Variants in PCDHA5 observed in about 807,000 individuals in gnomAD.
PCDHA5 encodes protocadherin alpha 5, also known as protocadherin alpha-5.
Under a neutral mutation model 61.6 loss-of-function variants are expected in PCDHA5, and 43 were observed. That is an observed-to-expected ratio of 0.70 (90% confidence interval 0.55 to 0.90). PCDHA5 has a LOEUF of 0.90. Among genes scored for constraint, PCDHA5 ranks in the 40% least tolerant of loss-of-function variants. The pLI is 0.00. For missense variants in PCDHA5, 1,298 were observed against 1,222.7 expected (o/e 1.06, Z -0.92); for synonymous variants, 627 against 543.9 (o/e 1.15, Z -2.13).
At chr5:140,961,083 T>C (rs1470868954) in intron 1 of PCDHA5, among the ~76,000 whole-genome samples, 1 of 152,198 alleles carries the variant, frequency 6.6e-6, no homozygotes, top group Non-Finnish European at 1.5e-5. Context: ...ATCAAGTAAT[T>C]GTTGACTTTT....
intron 3 of PCDHA5, among the ~76,000 whole-genome samples, chr5:140,989,714 A>T (rs2097355942): frequency 6.6e-6 from 1 of 152,202 alleles, no homozygotes; most frequent in Non-Finnish European, 1.5e-5. Context: ...AGAGGCAGTC[A>T]GCTTTGCAGT....
intron 1 of PCDHA5, chr5:140,927,725 C>T (rs782731204): frequency 1.2e-6 from 2 of 1,614,202 alleles, no homozygotes; most frequent in South Asian, 2.2e-5. Flanking sequence ...AGCACGCAAG[C>T]AGAGCTGCGA....
At chr5:140,884,400 T>C (rs2060147472) in intron 1 of PCDHA5, 1 of 1,613,972 alleles carries the variant, frequency 6.2e-7, no homozygotes, top group Non-Finnish European at 8.5e-7. Context: ...TCCAGCCTGT[T>C]GGTGCTCACG....
chr5:140,976,054 G>A (rs1554237225), intron 1 of PCDHA5, among the ~76,000 whole-genome samples: 1 of 152,134 alleles, frequency 6.6e-6, no homozygotes, highest in African/African-American at 2.4e-5. Context: ...AATTGTGATA[G>A]TAATATATGT....
At chr5:140,990,272 C>T (rs568200508) in intron 3 of PCDHA5, among the ~76,000 whole-genome samples, 12 of 152,196 alleles carry the variant, frequency 7.9e-5, no homozygotes, top group African/African-American at 1.4e-4. Flanking sequence ...CAATGTACCC[C>T]GGGTCTTGAG....
At chr5:140,940,599 C>T (rs1356432549) in intron 1 of PCDHA5, among the ~76,000 whole-genome samples, 2 of 151,918 alleles carry the variant, frequency 1.3e-5, no homozygotes, top group African/African-American at 4.8e-5. Context: ...AGGCATGAGC[C>T]GCTGCTCCTG....
At chr5:140,854,853 C>G (rs1441066752) in intron 1 of PCDHA5, among the ~76,000 whole-genome samples, 1 of 149,620 alleles carries the variant, frequency 6.7e-6, no homozygotes, top group Non-Finnish European at 1.5e-5. Flanking sequence ...GATAAAATTA[C>G]TAGATATATT....
intron 1 of PCDHA5, chr5:140,856,279 T>A (rs1554148476): frequency 1.3e-6 from 2 of 1,598,260 alleles, no homozygotes; most frequent in East Asian, 2.2e-5. Flanking sequence ...TGGAGGTAAA[T>A]CTGCAGAATG....
At chr5:140,997,302 G>A (rs1430183310) in intron 3 of PCDHA5, among the ~76,000 whole-genome samples, 2 of 152,154 alleles carry the variant, frequency 1.3e-5, no homozygotes, top group Non-Finnish European at 2.9e-5. Flanking sequence ...GATACACTGA[G>A]AAATGTGTCT....
chr5:140,926,919 A>C (rs782148872), intron 1 of PCDHA5: 2 of 1,566,668 alleles, frequency 1.3e-6, no homozygotes, highest in South Asian at 2.4e-5. Flanking sequence ...TGGCAGTTTT[A>C]TGTTTGTGGG....
intron 1 of PCDHA5, among the ~76,000 whole-genome samples, chr5:140,934,036 G>T (rs181745303): frequency 2.9e-4 from 44 of 151,956 alleles, no homozygotes; most frequent in African/African-American, 1.0e-3. Context: ...GTTTATTAAT[G>T]ATATTAGTCT....
chr5:140,857,831 G>A (rs1554150713), intron 1 of PCDHA5: 1 of 1,597,806 alleles, frequency 6.3e-7, no homozygotes, highest in Non-Finnish European at 8.6e-7. Flanking sequence ...TAAGGTGCGC[G>A]CAGTGGACGC....
chr5:140,989,253 G>A (rs886150768), intron 3 of PCDHA5, among the ~76,000 whole-genome samples: 4 of 152,194 alleles, frequency 2.6e-5, no homozygotes, highest in Non-Finnish European at 1.5e-5. Flanking sequence ...CTTGTCAAAA[G>A]GGAGATTCAA....
intron 1 of PCDHA5, among the ~76,000 whole-genome samples, chr5:140,940,440 G>T (rs1348385112): frequency 1.3e-5 from 2 of 151,928 alleles, no homozygotes; most frequent in Non-Finnish European, 2.9e-5. Flanking sequence ...AGTCTGCCAT[G>T]ATATTTTTTA....
At chr5:140,917,336 G>T (rs1183036523) in intron 1 of PCDHA5, among the ~76,000 whole-genome samples, 1 of 144,856 alleles carries the variant, frequency 6.9e-6, no homozygotes, top group Non-Finnish European at 1.5e-5. Context: ...GGGGAGGGGG[G>T]GGATGGTGTA....
Position 140,860,053 on chromosome 5 carries a change from C to T in PCDHA5, c.2352+35926C>T, listed in dbSNP as rs186329592. The T allele has an allele frequency of 6.0e-5, 9 of 150,766 alleles. No individual in the cohort carries two copies. In the East Asian group the frequency reaches 1.6e-3, roughly 26 times the overall value. 9.3% of individuals were successfully genotyped at this position (150,766 alleles called of 1,614,324 possible). A position where few individuals can be genotyped will look rare whatever the true frequency, so the allele number is the denominator to read the frequency against. ...CCTGTAATCCCAGCATTTTGAGAGGCCAAGGTGGGAGGATGGTTTGAGGCC... is the reference window on the plus strand; with the variant it reads ...CCTGTAATCCCAGCATTTTGAGAGGTCAAGGTGGGAGGATGGTTTGAGGCC... On this transcript the variant is annotated intron_variant, in intron 1 of 3. Transcript: ENST00000529859.
rs375771604 is a variant in PCDHA5, at chr5:140,876,994, G to A, written c.2352+52867G>A. ...GGGCGAGCACGCACTGTCGAGCTAC[G>A]TGTCGGTGCACGCGGAGAGCGGCAA... On this transcript the variant is annotated intron_variant, in intron 1 of 3. Transcript: ENST00000529859. The A allele has an allele frequency of 5.6e-6, 9 of 1,612,502 alleles. No individual in the cohort carries two copies. The highest frequency in any genetic ancestry group is 5.0e-5 in the Admixed American group (3 of 59,998).
intron 1 of PCDHA5, chr5:140,850,406 G>A (rs1200115176): frequency 1.9e-6 from 3 of 1,597,826 alleles, no homozygotes; most frequent in African/African-American, 1.3e-5. Flanking sequence ...CGCGTGCCCT[G>A]GACGAAACGG....
chr5:140,952,852 G>A (rs887887464), intron 1 of PCDHA5, among the ~76,000 whole-genome samples: 2 of 152,068 alleles, frequency 1.3e-5, no homozygotes, highest in Non-Finnish European at 2.9e-5. Context: ...TTGTCTTCTG[G>A]GGAGGCCTCA....
Sources: gnomAD v4.1 joint callset for allele counts (sites outside exome capture counted in the v4.1 genomes callset) on GRCh38, gnomAD v4.1.1 for gene constraint, MANE v1.5 for transcripts, NCBI Gene and HGNC (gene_info 2026-07-23, HGNC 2026-07-21) for gene names.